Variants in IL22RA2 observed in about 807,000 individuals in gnomAD.
IL22RA2 encodes interleukin-22 receptor subunit alpha-2.
Under a neutral mutation model 30.7 loss-of-function variants are expected in IL22RA2, and 39 were observed. The ratio of observed to expected loss-of-function variants is 1.27; its 90% CI spans 0.98 to 1.66. IL22RA2 has a LOEUF of 1.66. Among genes scored for constraint, IL22RA2 ranks in the 40% most tolerant of loss-of-function variants. The pLI is 0.00. For missense variants in IL22RA2, 315 were observed against 312.7 expected (o/e 1.01, Z -0.05); for synonymous variants, 103 against 105.0 (o/e 0.98, Z 0.11).
At chr6:137,148,021 C>G in intron 5 of IL22RA2, 130 bp from the exon 6 acceptor site, 1 of 760,916 alleles carries the variant, frequency 1.3e-6, no homozygotes, top group Non-Finnish European at 2.2e-6. Flanking sequence ...CTGCAGTGAG[C>G]TATGATCATG....
chr6:137,147,852 T>C lies in IL22RA2; in HGVS notation c.512A>G (p.Asn171Ser), dbSNP rs760549716. The C allele has an allele frequency of 5.0e-6, 8 of 1,612,332 alleles. No individual in the cohort carries two copies. The highest frequency in any genetic ancestry group is 6.8e-6 in the Non-Finnish European group (8 of 1,179,454). The change falls in exon 6 of 7, where the codon AAT (asparagine) becomes AGT (serine). Residue 171 changes from asparagine (N) to serine (S), a missense_variant. Physicochemically the swap from Asn to Ser is conservative, Grantham distance 46. Coordinates refer to ENST00000296980, the MANE Select transcript of IL22RA2 (RefSeq NM_052962.3). ...ATGGAGAATTACCAACAAAGAGCCA[T>C]TGACTTGGGTTATATTCATGACTGG... is the stretch of plus-strand genomic sequence containing the variant. ...DPPVMNITQVNGSLLVILHAP... is the reference protein window; with the variant it reads ...DPPVMNITQVSGSLLVILHAP...
At chr6:137,151,381 C>T (rs1384229858) in intron 5 of IL22RA2, among the ~76,000 whole-genome samples, 2 of 152,148 alleles carry the variant, frequency 1.3e-5, no homozygotes, top group African/African-American at 4.8e-5. Context: ...ATATTGGACC[C>T]TTACCTCACA....
rs1778412938 is a variant in IL22RA2, at chr6:137,156,649, G to A, written c.293+110C>T. 5 of 1,419,160 alleles carry A rather than the reference G, an allele frequency of 3.5e-6. No homozygotes were observed. In the Admixed American group the frequency reaches 6.3e-5, roughly 18 times the overall value. 87.9% of individuals were successfully genotyped at this position (1,419,160 alleles called of 1,614,324 possible). ...TGCTGTTGAAAATCCCTTAGAGACA[G>A]GAATGGATTCAGGTATTCTGGGGTC... On this transcript the variant is annotated intron_variant, in intron 4 of 6. Transcript: ENST00000296980.
intron 1 of IL22RA2, among the ~76,000 whole-genome samples, chr6:137,162,977 C>T (rs758881810): frequency 1.3e-5 from 2 of 152,086 alleles, no homozygotes; most frequent in South Asian, 4.2e-4. Flanking sequence ...TGTGACCCCC[C>T]ACCTTACACT....
chr6:137,152,613 A>G (rs996913047), intron 5 of IL22RA2, among the ~76,000 whole-genome samples: 13 of 152,226 alleles, frequency 8.5e-5, no homozygotes, highest in Non-Finnish European at 1.8e-4. Context: ...GGTGATAAAA[A>G]TGTTCTAAAA....
At position 137,145,133 on chromosome 6, in the gene IL22RA2, T is replaced by C. The variant is rs1317743592; in HGVS notation, c.*491A>G. ...TATATTCATATAAAATAGAAATGTATGAAAAATATTCACCTTTATAGAAGT... is the reference window on the plus strand; with the variant it reads ...TATATTCATATAAAATAGAAATGTACGAAAAATATTCACCTTTATAGAAGT... On this transcript the variant is annotated 3_prime_UTR_variant, in exon 7 of 7. Coordinates refer to ENST00000296980, the MANE Select transcript of IL22RA2 (RefSeq NM_052962.3). 1 of 151,744 alleles carries C rather than the reference T, an allele frequency of 6.6e-6. No homozygotes were observed. Among genetic ancestry groups the C allele is most frequent in the African/African-American group, 2.4e-5 (1 of 41,406 alleles). 9.4% of individuals were successfully genotyped at this position (151,744 alleles called of 1,614,324 possible). A position where few individuals can be genotyped will look rare whatever the true frequency, so the allele number is the denominator to read the frequency against.
At chr6:137,164,911 A>G (rs1284134166) in intron 1 of IL22RA2, among the ~76,000 whole-genome samples, 2 of 152,208 alleles carry the variant, frequency 1.3e-5, no homozygotes, top group East Asian at 3.8e-4. Flanking sequence ...GCTCTTATAG[A>G]TCTAATGCAG....
chr6:137,149,669 T>C (rs1182645459), intron 5 of IL22RA2, among the ~76,000 whole-genome samples: 1 of 152,220 alleles, frequency 6.6e-6, no homozygotes, highest in African/African-American at 2.4e-5. Flanking sequence ...ATAGTCAAAA[T>C]GATCTTTTCT....
At position 137,144,433 on chromosome 6, in the gene IL22RA2, C is replaced by T. The variant is rs533605275; in HGVS notation, c.*1191G>A. The T allele has an allele frequency of 3.9e-5, 6 of 152,346 alleles. No homozygotes were observed. In the South Asian group the frequency reaches 1.0e-3, roughly 26 times the overall value. The allele number at this position is 152,346 out of a possible 1,614,324, so 9.4% of individuals were successfully genotyped here. A position where few individuals can be genotyped will look rare whatever the true frequency, so the allele number is the denominator to read the frequency against. Reference sequence around the variant, plus strand: ...TCATGGGGAATTGTACAAATGTTCTCTGATATGTATCTCCTCACTAGAAAG... The same window carrying T: ...TCATGGGGAATTGTACAAATGTTCTTTGATATGTATCTCCTCACTAGAAAG... On this transcript the variant is annotated 3_prime_UTR_variant, in exon 7 of 7. Transcript: ENST00000296980.
chr6:137,155,493 CATATACATAT>C (rs949311701), intron 4 of IL22RA2, among the ~76,000 whole-genome samples: 51 of 150,656 alleles, frequency 3.4e-4, no homozygotes, highest in African/African-American at 1.2e-3. Flanking sequence ...AGAGAGATGG[CATATACATAT>C]ATATACATAT....
intron 2 of IL22RA2, among the ~76,000 whole-genome samples, chr6:137,159,487 A>AT (rs1195720056): frequency 6.6e-6 from 1 of 151,814 alleles, no homozygotes; most frequent in African/African-American, 2.4e-5. Flanking sequence ...TGCCTGGCTA[A>AT]TTTTTTTGTA....
At chr6:137,162,026 C>T (rs1292040924) in intron 1 of IL22RA2, among the ~76,000 whole-genome samples, 3 of 152,092 alleles carry the variant, frequency 2.0e-5, no homozygotes, top group Non-Finnish European at 4.4e-5. Flanking sequence ...TCATTAGCTG[C>T]AGAAAGGTAA....
intron 5 of IL22RA2, among the ~76,000 whole-genome samples, chr6:137,154,374 G>C (rs963445111): frequency 1.3e-5 from 2 of 152,146 alleles, no homozygotes; most frequent in Non-Finnish European, 2.9e-5. Flanking sequence ...CAGCACTTTG[G>C]GAGGCCAAAG....
intron 5 of IL22RA2, among the ~76,000 whole-genome samples, chr6:137,151,233 T>A (rs1184257751): frequency 6.6e-6 from 1 of 152,150 alleles, no homozygotes; most frequent in African/African-American, 2.4e-5. Context: ...TATAGCTCAA[T>A]AGAATAGAAT....
Position 137,166,976 on chromosome 6 carries a change from G to A in IL22RA2, c.-65-5162C>T, listed in dbSNP as rs532484464. On this transcript the variant is annotated intron_variant, in intron 1 of 6. Transcript: ENST00000296980. ...GGGCTTTACTGAGCTGCCTCGAACC[G>A]GAGGCTACCGGTGCATGCTAGTGTT... 4.6e-5 allele frequency among the ~76,000 whole-genome samples: 7 copies of A among 152,342 alleles called. 1 individual carries two copies. In the South Asian group the frequency reaches 1.0e-3, roughly 23 times the overall value.
intron 1 of IL22RA2, among the ~76,000 whole-genome samples, chr6:137,168,360 C>T (rs1377630576): frequency 2.0e-5 from 3 of 152,160 alleles, no homozygotes; most frequent in African/African-American, 7.2e-5. Context: ...ACCCCTAATG[C>T]CATCATATAC....
intron 6 of IL22RA2, 145 bp downstream of exon 6, chr6:137,147,577 A>G (rs1436213213): frequency 9.1e-6 from 6 of 662,234 alleles, no homozygotes; most frequent in South Asian, 2.3e-5. Context: ...CCGTTGATCA[A>G]TGATGGCTGA....
chr6:137,155,436 G>T (rs1336144216), intron 4 of IL22RA2, among the ~76,000 whole-genome samples: 2 of 151,816 alleles, frequency 1.3e-5, no homozygotes, highest in African/African-American at 4.8e-5. Flanking sequence ...TGCTGGTGGG[G>T]ACTCTCTGCA....
At chr6:137,156,918 T>C (rs1304149272) in intron 3 of IL22RA2, 64 bp from the exon 4 acceptor site, 1 of 1,573,302 alleles carries the variant, frequency 6.4e-7, no homozygotes, top group Admixed American at 1.7e-5. Context: ...GCATCCTGGC[T>C]TTACAACAAC....
Sources: gnomAD v4.1 joint callset for allele counts (sites outside exome capture counted in the v4.1 genomes callset) on GRCh38, gnomAD v4.1.1 for gene constraint, MANE v1.5 for transcripts, NCBI Gene and HGNC (gene_info 2026-07-23, HGNC 2026-07-21) for gene names.